Variants in ZNF496 observed in about 807,000 individuals in gnomAD.
ZNF496 encodes the protein NSD1 (nuclear receptor binding SET-domain containing 1)-interacting zinc finger protein 1.
In ZNF496, 11 loss-of-function variants were observed where a neutral mutation model predicts 58.9. That is an observed-to-expected ratio of 0.19 (90% confidence interval 0.12 to 0.31). ZNF496 has a LOEUF of 0.31. Among genes scored for constraint, ZNF496 ranks in the 10% least tolerant of loss-of-function variants. The probability of loss-of-function intolerance (pLI) is 1.00; values close to 1 mark genes in which losing one functional copy is unlikely to be tolerated. For missense variants in ZNF496, 660 were observed against 783.0 expected (o/e 0.84, Z 1.88); for synonymous variants, 338 against 318.2 (o/e 1.06, Z -0.66).
At chr1:247,301,859 G>A (rs1659249924) in intron 9 of ZNF496, among the ~76,000 whole-genome samples, 1 of 152,188 alleles carries the variant, frequency 6.6e-6, no homozygotes, top group Admixed American at 6.5e-5. Flanking sequence ...AGGAAGGAGG[G>A]CTGAAATGCT....
At chr1:247,306,494 G>A (rs910929321) in intron 9 of ZNF496, among the ~76,000 whole-genome samples, 24 of 108,196 alleles carry the variant, frequency 2.2e-4, no homozygotes, top group Non-Finnish European at 4.4e-4. Context: ...ACTGCACCTG[G>A]CCGTTTTTTT....
In ZNF496 at chr1:247,328,709, G is replaced by A. The variant is rs760687750; in HGVS notation, c.548C>T (p.Pro183Leu). 1.2e-6 allele frequency: 2 copies of A among 1,601,982 alleles called. No individual in the cohort carries two copies. The highest frequency in any genetic ancestry group is 3.4e-5 in the Admixed American group (2 of 58,040). ...TGGGTCCCCGCTGAGCTGGCTTGGTGGTCTGCTTGGGAGCCCCAGGCACTG... is the reference window on the plus strand; with the variant it reads ...TGGGTCCCCGCTGAGCTGGCTTGGTAGTCTGCTTGGGAGCCCCAGGCACTG... ...LAQCLGLPSR[P>L]PSQLSGDPVL... Residue 183 changes from proline to leucine, a missense_variant, in exon 5 of 10, where the codon CCA becomes CTA. Transcript: ENST00000682384.
chr1:247,326,123 CATACATATATATAT>C (rs1660119572), intron 5 of ZNF496, among the ~76,000 whole-genome samples: 1 of 147,564 alleles, frequency 6.8e-6, no homozygotes, highest in African/African-American at 2.5e-5. Context: ...CATATATATA[CATACATATATATAT>C]ATACACACAT....
intron 6 of ZNF496, 115 bp from the exon 7 acceptor site, chr1:247,310,571 A>T: frequency 7.2e-7 from 1 of 1,380,650 alleles, no homozygotes; most frequent in Admixed American, 2.0e-5. Flanking sequence ...TCTATACAAC[A>T]GAAATCTGTT....
At chr1:247,319,486 CAG>C (rs1267351599) in intron 6 of ZNF496, among the ~76,000 whole-genome samples, 1 of 152,122 alleles carries the variant, frequency 6.6e-6, no homozygotes, top group African/African-American at 2.4e-5. Context: ...AAAAAGGAAA[CAG>C]AGAAACAGAA....
chr1:247,329,116 G>A lies in ZNF496; in HGVS notation c.390+73C>T. The A allele has an allele frequency of 6.3e-7, 1 of 1,594,710 alleles. No homozygotes were observed. Among genetic ancestry groups the A allele is most frequent in the Non-Finnish European group, 8.6e-7 (1 of 1,165,524 alleles). Reference sequence around the variant, plus strand: ...GATGGAACTCCTCATTCCCCAGCCAGCACATGCATGGCCCAGCCAAAGTGT... The same window carrying A: ...GATGGAACTCCTCATTCCCCAGCCAACACATGCATGGCCCAGCCAAAGTGT... On this transcript the variant is annotated intron_variant, in intron 4 of 9. Transcript: ENST00000682384. The surrounding 1 kb of genome is among the most constrained non-coding windows in gnomAD (Gnocchi z 5.5).
intron 9 of ZNF496, among the ~76,000 whole-genome samples, chr1:247,305,759 G>A (rs1036656145): frequency 6.6e-6 from 1 of 152,200 alleles, no homozygotes; most frequent in African/African-American, 2.4e-5. Context: ...TGACGAATAA[G>A]TGTACCTACA....
intron 5 of ZNF496, among the ~76,000 whole-genome samples, chr1:247,326,053 CACACACACACATATAT>C (rs1315657394): frequency 2.5e-5 from 2 of 80,314 alleles, no homozygotes; most frequent in Non-Finnish European, 5.9e-5. Flanking sequence ...TATATATACA[CACACACACACATATAT>C]ACACACACAC....
At chr1:247,303,290 T>C (rs1659305072) in intron 9 of ZNF496, among the ~76,000 whole-genome samples, 1 of 152,212 alleles carries the variant, frequency 6.6e-6, no homozygotes, top group Non-Finnish European at 1.5e-5. Flanking sequence ...AAGCCTTGAT[T>C]CTGGACTTGT....
At chr1:247,317,341 G>A (rs1659814154) in intron 6 of ZNF496, among the ~76,000 whole-genome samples, 1 of 152,164 alleles carries the variant, frequency 6.6e-6, no homozygotes, top group Non-Finnish European at 1.5e-5. Context: ...AAAAGCCACA[G>A]GACCTGGACA....
intron 6 of ZNF496, among the ~76,000 whole-genome samples, chr1:247,318,489 G>T (rs955827986): frequency 1.3e-5 from 2 of 152,194 alleles, no homozygotes; most frequent in Non-Finnish European, 2.9e-5. Flanking sequence ...CTTAAAGGTA[G>T]CCAGAGTAAA....
chr1:247,308,867 C>G lies in ZNF496; in HGVS notation c.893-279G>C. 2.5e-6 allele frequency: 1 copy of G among 404,402 alleles called. No homozygotes were observed. Among genetic ancestry groups the G allele is most frequent in the Middle Eastern group, 7.8e-4 (1 of 1,290 alleles). 25.1% of individuals were successfully genotyped at this position (404,402 alleles called of 1,614,324 possible). On this transcript the variant is annotated intron_variant, in intron 8 of 9. Coordinates refer to ENST00000682384, the MANE Select transcript of ZNF496 (RefSeq NM_032752.3). The surrounding 1 kb of genome is among the most constrained non-coding windows in gnomAD (Gnocchi z 4.5). ...CTATGGCCAGAGACAAGCACTTCCC[C>G]CAGCCCCATATTTATTCCCACTTTC...
intron 6 of ZNF496, chr1:247,322,709 G>A (rs1360180973): frequency 7.8e-7 from 1 of 1,289,380 alleles, no homozygotes; most frequent in South Asian, 1.2e-5. Context: ...ACGTAGATCT[G>A]TGACAGGACT....
rs1659540243 is a variant in ZNF496 at position 247,309,970 on chromosome 1, AG to A, written c.785-165del. 1.1e-5 allele frequency: 14 copies of A among 1,321,474 alleles called. No individual in the cohort carries two copies. Among genetic ancestry groups the A allele is most frequent in the Non-Finnish European group, 1.4e-5 (14 of 991,570 alleles). 81.9% of individuals were successfully genotyped at this position (1,321,474 alleles called of 1,614,324 possible). Reference sequence around the variant, plus strand: ...CTGGCAGTGCAGGGGCAGTGGGGGCAGCACACGCAGGGAGAGCTATGGGCTT... The same window carrying A: ...CTGGCAGTGCAGGGGCAGTGGGGGCACACACGCAGGGAGAGCTATGGGCTT... On this transcript the variant is annotated intron_variant, in intron 7 of 9. Coordinates refer to ENST00000682384, the MANE Select transcript of ZNF496 (RefSeq NM_032752.3). The surrounding 1 kb of genome is among the most constrained non-coding windows in gnomAD (Gnocchi z 4.3).
Position 247,309,444 on chromosome 1 carries a change from G to C in ZNF496, c.892+255C>G, listed in dbSNP as rs1475784409. The stretch of plus-strand genomic sequence containing the variant: ...ACAAACCAGATGTTACTTACAGGCA[G>C]AGGAGAAAGACATTCCTATTATTTC... On this transcript the variant is annotated intron_variant, in intron 8 of 9. Coordinates refer to ENST00000682384, the MANE Select transcript of ZNF496 (RefSeq NM_032752.3). This position sits in a 1 kb window ranked among gnomAD's most constrained non-coding sequence, Gnocchi z 4.3. 1 of 1,335,806 alleles carries C rather than the reference G, an allele frequency of 7.5e-7. No individual in the cohort carries two copies. The highest frequency in any genetic ancestry group is 9.6e-7 in the Non-Finnish European group (1 of 1,044,106). 82.7% of individuals were successfully genotyped at this position (1,335,806 alleles called of 1,614,324 possible).
At position 247,309,962 on chromosome 1, in the gene ZNF496, G is replaced by T; in HGVS notation, c.785-156C>A. 2 of 1,318,778 alleles carry T rather than the reference G, an allele frequency of 1.5e-6. No individual in the cohort carries two copies. The highest frequency in any genetic ancestry group is 2.0e-6 in the Non-Finnish European group (2 of 986,386). 81.7% of individuals were successfully genotyped at this position (1,318,778 alleles called of 1,614,324 possible). ...GGCCAGAGCTGGCAGTGCAGGGGCA[G>T]TGGGGGCAGCACACGCAGGGAGAGC... On this transcript the variant is annotated intron_variant, in intron 7 of 9. Coordinates refer to ENST00000682384, the MANE Select transcript of ZNF496 (RefSeq NM_032752.3). This position sits in a 1 kb window ranked among gnomAD's most constrained non-coding sequence, Gnocchi z 4.3.
chr1:247,310,436 C>G lies in ZNF496; in HGVS notation c.672G>C (p.Lys224Asn). Residue 224 changes from lysine (K) to asparagine (N), a missense_variant, in exon 7 of 10, where the codon AAG (lysine) becomes AAC (asparagine). Lys to Asn is a moderately conservative substitution (Grantham distance 94, BLOSUM62 0). Coordinates refer to ENST00000682384, the MANE Select transcript of ZNF496 (RefSeq NM_032752.3). ...CTTCAGAGAAGCATAAAATCATGTC[C>G]TTGAATGGAGAAACCCGACTCTGAA... The part of the protein sequence containing the change: ...QLPPSRVSPF[K>N]DMILCFSEED... The G allele has an allele frequency of 1.2e-6, 2 of 1,614,150 alleles. No individual in the cohort carries two copies. The highest frequency in any genetic ancestry group is 2.2e-5 in the South Asian group (2 of 91,078).
intron 5 of ZNF496, among the ~76,000 whole-genome samples, chr1:247,326,047 TATACAC>T (rs1660110121): frequency 1.8e-5 from 1 of 54,282 alleles, no homozygotes; most frequent in Non-Finnish European, 4.7e-5. Flanking sequence ...CATATATATA[TATACAC>T]ACACACACAC....
At chr1:247,311,434 C>CACACAT (rs1469214778) in intron 6 of ZNF496, 1 of 61,088 alleles carries the variant, frequency 1.6e-5, no homozygotes, top group Non-Finnish European at 3.8e-5. Flanking sequence ...CACAGAGACA[C>CACACAT]ACACACACAC....
Sources: gnomAD v4.1 joint callset for allele counts (sites outside exome capture counted in the v4.1 genomes callset) on GRCh38, gnomAD v4.1.1 for gene constraint, Gnocchi (gnomAD v3.1) non-coding constraint, MANE v1.5 for transcripts, NCBI Gene and HGNC (gene_info 2026-07-23, HGNC 2026-07-21) for gene names.